Variants in CADM2 observed in about 807,000 individuals in gnomAD.
CADM2 encodes cell adhesion molecule 2, also known as immunoglobulin superfamily member 4D.
In CADM2, 12 loss-of-function variants were observed where a neutral mutation model predicts 49.8. That is an observed-to-expected ratio of 0.24 (90% CI 0.15 to 0.39). CADM2 has a LOEUF of 0.39. CADM2 is among the 10% of genes least tolerant of loss of function. The pLI is 1.00. For synonymous variants in CADM2, 214 were observed against 175.4 expected (o/e 1.22, Z -1.74); for missense variants, 378 against 492.3 (o/e 0.77, Z 2.20).
At chr3:85,168,401 A>T (rs1214383147) in intron 1 of CADM2, among the ~76,000 whole-genome samples, 1 of 152,202 alleles carries the variant, frequency 6.6e-6, no homozygotes, top group Non-Finnish European at 1.5e-5. Context: ...AACATAATGT[A>T]CATAATTGAC....
intron 8 of CADM2, chr3:85,992,682 A>G (rs1306978043): frequency 6.6e-6 from 1 of 152,164 alleles, no homozygotes; most frequent in African/African-American, 2.4e-5. Context: ...CATAAAAACA[A>G]TGTACGTACC....
chr3:85,323,430 C>T (rs1313723905), intron 1 of CADM2, among the ~76,000 whole-genome samples: 1 of 152,084 alleles, frequency 6.6e-6, no homozygotes, highest in Non-Finnish European at 1.5e-5. Flanking sequence ...CATGTGTAAG[C>T]TCCAATTTCC....
chr3:85,308,393 G>T (rs2044267319), intron 1 of CADM2, among the ~76,000 whole-genome samples: 1 of 150,860 alleles, frequency 6.6e-6, no homozygotes, highest in Non-Finnish European at 1.5e-5. Context: ...TCAGTATGCT[G>T]ATATTCTCTT....
At chr3:84,983,185 T>C (rs1194872410) in intron 1 of CADM2, among the ~76,000 whole-genome samples, 1 of 152,166 alleles carries the variant, frequency 6.6e-6, no homozygotes, top group African/African-American at 2.4e-5. Flanking sequence ...ATGTATCATT[T>C]TTGTACTCTC....
intron 3 of CADM2, among the ~76,000 whole-genome samples, chr3:85,856,729 G>A (rs1160938411): frequency 6.6e-6 from 1 of 152,114 alleles, no homozygotes; most frequent in African/African-American, 2.4e-5. Flanking sequence ...ACCATTTTCT[G>A]AAATACAAAA....
intron 1 of CADM2, among the ~76,000 whole-genome samples, chr3:85,228,635 A>G (rs1357103404): frequency 6.6e-6 from 1 of 151,870 alleles, no homozygotes; most frequent in African/African-American, 2.4e-5. Flanking sequence ...TTGCCTGGGT[A>G]TCACCTGCAG....
chr3:85,125,298 AT>A (rs2038994207), intron 1 of CADM2, among the ~76,000 whole-genome samples: 1 of 152,210 alleles, frequency 6.6e-6, no homozygotes, highest in Non-Finnish European at 1.5e-5. Flanking sequence ...TTTAGAAAAA[AT>A]TCATGTAAGT....
chr3:85,660,620 T>C (rs2065372808), intron 1 of CADM2, among the ~76,000 whole-genome samples: 1 of 152,082 alleles, frequency 6.6e-6, no homozygotes, highest in African/African-American at 2.4e-5. Flanking sequence ...GTTTGATTAG[T>C]GTTTTCAAAC....
At chr3:85,771,204 G>T (rs572555762) in intron 2 of CADM2, among the ~76,000 whole-genome samples, 365 of 152,144 alleles carry the variant, frequency 2.4e-3, no homozygotes, top group Admixed American at 3.9e-3. Flanking sequence ...CAGTTCATTG[G>T]GTCAGTAACA....
At chr3:85,480,416 C>T (rs893964632) in intron 1 of CADM2, among the ~76,000 whole-genome samples, 19 of 151,786 alleles carry the variant, frequency 1.3e-4, no homozygotes, top group African/African-American at 4.6e-4. Flanking sequence ...AAATTTGTGA[C>T]TGTGGGCAAG....
At chr3:86,014,986 C>T (rs1650639771) in intron 8 of CADM2, 11 of 1,190,538 alleles carry the variant, frequency 9.2e-6, no homozygotes, top group South Asian at 2.5e-5. Flanking sequence ...GACCAAAGTT[C>T]GAGTAACTTG....
chr3:86,058,029 G>A (rs924988187), intron 8 of CADM2, among the ~76,000 whole-genome samples: 2 of 151,910 alleles, frequency 1.3e-5, no homozygotes, highest in African/African-American at 4.8e-5. Flanking sequence ...TTCTGAGTAC[G>A]TACTTTACAT....
At chr3:85,465,258 C>T (rs908731037) in intron 1 of CADM2, among the ~76,000 whole-genome samples, 1 of 152,102 alleles carries the variant, frequency 6.6e-6, no homozygotes, top group African/African-American at 2.4e-5. Context: ...GATCTTGTCG[C>T]ATAAGATGTG....
intron 2 of CADM2, among the ~76,000 whole-genome samples, chr3:85,738,961 T>C (rs2068260344): frequency 6.6e-6 from 1 of 152,124 alleles, no homozygotes; most frequent in Non-Finnish European, 1.5e-5. Flanking sequence ...TATTTTAAAA[T>C]TGATTCCACC....
chr3:85,345,313 CAAAAAAAAAAAAAA>C (rs3085180), intron 1 of CADM2, among the ~76,000 whole-genome samples: 1 of 47,176 alleles, frequency 2.1e-5, no homozygotes, highest in Non-Finnish European at 3.5e-5. Flanking sequence ...GTCTCCATCT[CAAAAAAAAAAAAAA>C]AAAAAAAGAA....
In CADM2 at chr3:85,601,130, GTATATATATA is replaced by G. The variant is rs375011644; in HGVS notation, c.62-125357_62-125348del. On this transcript the variant is annotated intron_variant, in intron 1 of 9. Transcript: ENST00000383699. ...ATATACTGTGCATTTATATATGTGTGTATATATATATATATATATATATATATATATATAT... is the reference window on the plus strand; with the variant it reads ...ATATACTGTGCATTTATATATGTGTGTATATATATATATATATATATATAT... Among the ~76,000 whole-genome samples, 883 of 109,616 alleles carry G rather than the reference GTATATATATA, an allele frequency of 8.1e-3. 8 individuals carry two copies. Among genetic ancestry groups the G allele is most frequent in the Middle Eastern group, 0.021 (4 of 192 alleles). 71.9% of individuals were successfully genotyped at this position (109,616 alleles called of 152,430 possible).
chr3:85,376,054 G>A (rs2033577043), intron 1 of CADM2, among the ~76,000 whole-genome samples: 1 of 152,028 alleles, frequency 6.6e-6, no homozygotes, highest in Admixed American at 6.6e-5. Flanking sequence ...TATGAAATAA[G>A]TACTATTATT....
intron 1 of CADM2, among the ~76,000 whole-genome samples, chr3:85,001,136 A>T (rs1318043960): frequency 6.6e-6 from 1 of 152,020 alleles, no homozygotes; most frequent in Non-Finnish European, 1.5e-5. Context: ...CTTCACGATG[A>T]TCTGTTGAGA....
At chr3:85,930,237 C>T (rs937886218) in intron 6 of CADM2, among the ~76,000 whole-genome samples, 2 of 152,030 alleles carry the variant, frequency 1.3e-5, no homozygotes, top group African/African-American at 4.8e-5. Context: ...AAAATTGTTA[C>T]CTAATGATAT....
Sources: allele counts gnomAD v4.1 joint callset (sites outside exome capture counted in the v4.1 genomes callset), GRCh38; gene constraint gnomAD v4.1.1; transcripts MANE v1.5; gene names NCBI Gene and HGNC (gene_info 2026-07-23, HGNC 2026-07-21).